Variants in DENND2A observed in about 807,000 individuals in gnomAD.
DENND2A encodes DENN domain containing 2A.
Under a neutral mutation model 105.3 loss-of-function variants are expected in DENND2A, and 53 were observed. That is an observed-to-expected ratio of 0.50 (90% confidence interval 0.40 to 0.63). The LOEUF is 0.63. Among genes scored for constraint, DENND2A ranks in the 30% least tolerant of loss-of-function variants. The pLI, the probability that DENND2A is intolerant of heterozygous loss-of-function variation, is 0.00. For missense variants in DENND2A, 1,138 were observed against 1,279.6 expected, an observed-to-expected ratio of 0.89 and a Z score of 1.69; for synonymous variants, 522 against 508.4, an observed-to-expected ratio of 1.03 and a Z score of -0.36.
At chr7:140,537,463 G>C (rs756918428) in intron 14 of DENND2A, among the ~76,000 whole-genome samples, 6 of 152,042 alleles carry the variant, frequency 3.9e-5, no homozygotes, top group Non-Finnish European at 8.8e-5. Context: ...TTTTTAATTT[G>C]CTTTTTAAAG....
At position 140,559,498 on chromosome 7, in the gene DENND2A, G is replaced by A. The variant is rs939852786; in HGVS notation, c.1889+210C>T. ...GAGGCTTCTGAAACAAGTATCCCCA[G>A]ATTGAGTGGGAAGCCCGGGAGGTCT... On this transcript the variant is annotated intron_variant, in intron 10 of 19. Coordinates refer to ENST00000496613, the MANE Select transcript of DENND2A (RefSeq NM_015689.5). The surrounding 1 kb of genome is among the most constrained non-coding windows in gnomAD (Gnocchi z 4.1). 6.6e-6 allele frequency among the ~76,000 whole-genome samples: 1 copy of A among 152,158 alleles called. No homozygotes were observed. Among genetic ancestry groups the A allele is most frequent in the African/African-American group, 2.4e-5 (1 of 41,430 alleles).
At chr7:140,616,763 T>C (rs1800098326) in intron 1 of DENND2A, among the ~76,000 whole-genome samples, 1 of 152,104 alleles carries the variant, frequency 6.6e-6, no homozygotes, top group African/African-American at 2.4e-5. Flanking sequence ...GTAATAAGAG[T>C]TGCTGGCCTA....
At chr7:140,614,580 C>T (rs1800017098) in intron 1 of DENND2A, among the ~76,000 whole-genome samples, 1 of 152,136 alleles carries the variant, frequency 6.6e-6, no homozygotes, top group African/African-American at 2.4e-5. Flanking sequence ...GCAAATAAGG[C>T]CATGGGCTAT....
Position 140,518,591 on chromosome 7 carries a change from C to T in DENND2A, c.*116G>A, listed in dbSNP as rs879791830. On this transcript the variant is annotated 3_prime_UTR_variant, in exon 20 of 20. Coordinates refer to ENST00000496613, the MANE Select transcript of DENND2A (RefSeq NM_015689.5). ...GCCCAGCCTCGGCCAGAAGCCACCG[C>T]GGCCTCCAGTTCCGCACCGTGACAA... 4.4e-5 allele frequency: 48 copies of T among 1,088,422 alleles called. 1 individual carries two copies. The highest frequency in any genetic ancestry group is 2.5e-4 in the Admixed American group (11 of 43,916). The allele number at this position is 1,088,422 out of a possible 1,614,324, so 67.4% of individuals were successfully genotyped here.
chr7:140,518,589 C>T lies in DENND2A; in HGVS notation c.*118G>A, dbSNP rs181086892. 1,196 of 1,069,056 alleles carry T rather than the reference C, an allele frequency of 1.1e-3. 18 individuals are homozygous for T. In the Admixed American group the frequency reaches 0.024, roughly 22 times the overall value. 66.2% of individuals were successfully genotyped at this position (1,069,056 alleles called of 1,614,324 possible). A position where few individuals can be genotyped will look rare whatever the true frequency, so the allele number is the denominator to read the frequency against. ...GAGCCCAGCCTCGGCCAGAAGCCAC[C>T]GCGGCCTCCAGTTCCGCACCGTGAC... On this transcript the variant is annotated 3_prime_UTR_variant, in exon 20 of 20. Transcript: ENST00000496613.
intron 14 of DENND2A, among the ~76,000 whole-genome samples, chr7:140,533,158 A>AT (rs1265078256): frequency 6.6e-6 from 1 of 151,892 alleles, no homozygotes; most frequent in African/African-American, 2.4e-5. Context: ...TGCCTGGCTA[A>AT]TTTTTTGTAT....
chr7:140,596,445 T>C, intron 3 of DENND2A, among the ~76,000 whole-genome samples: 1 of 152,232 alleles, frequency 6.6e-6, no homozygotes, highest in East Asian at 1.9e-4. Context: ...ACAGCTTGGC[T>C]GGTAAGTTAA....
At chr7:140,543,132 T>C (rs1025130833) in intron 14 of DENND2A, among the ~76,000 whole-genome samples, 34 of 151,414 alleles carry the variant, frequency 2.2e-4, no homozygotes, top group African/African-American at 5.8e-4. Context: ...TTTTTTTTTT[T>C]TTTTTGAGAC....
chr7:140,601,278 C>A, intron 3 of DENND2A, 125 bp downstream of exon 3: 1 of 1,302,750 alleles, frequency 7.7e-7, no homozygotes, highest in Non-Finnish European at 1.0e-6. Context: ...TATGAACCAT[C>A]TGGACTACAA....
intron 1 of DENND2A, among the ~76,000 whole-genome samples, chr7:140,610,672 A>G (rs1017736956): frequency 6.6e-6 from 1 of 152,224 alleles, no homozygotes; most frequent in African/African-American, 2.4e-5. Flanking sequence ...AAAGGTCAAG[A>G]ATTTAAAACA....
chr7:140,520,882 C>CT (rs1563113646), intron 18 of DENND2A, among the ~76,000 whole-genome samples: 1 of 133,680 alleles, frequency 7.5e-6, no homozygotes, highest in East Asian at 2.4e-4. Context: ...TTTTTTTTTT[C>CT]TTTTTTTCTG....
At chr7:140,571,452 G>A (rs55816014) in intron 6 of DENND2A, among the ~76,000 whole-genome samples, 4,060 of 152,262 alleles carry the variant, frequency 0.027, 183 homozygotes, top group African/African-American at 0.092. Context: ...ATGAGCCACC[G>A]TGTTGGCTTG....
chr7:140,569,671 T>C lies in DENND2A; in HGVS notation c.1514A>G (p.Gln505Arg). Residue 505 changes from glutamine (Q) to arginine (R), a missense_variant, in exon 7 of 20, where the codon CAG becomes CGG. Transcript: ENST00000496613. Reference protein sequence around the residue: ...RGKKRVKRLSQSMESNSGKVT... With the variant: ...RGKKRVKRLSRSMESNSGKVT... ...TTTTCCTGAGTTGCTCTCCATTGAC[T>C]GGGACAGCCTCTTCACCCGTTTCTT... is the stretch of plus-strand genomic sequence containing the variant. The C allele has an allele frequency of 6.2e-7, 1 of 1,613,576 alleles. No homozygotes were observed. The highest frequency in any genetic ancestry group is 8.5e-7 in the Non-Finnish European group (1 of 1,179,434).
At chr7:140,549,706 T>C (rs1025183991) in intron 12 of DENND2A, among the ~76,000 whole-genome samples, 4 of 152,126 alleles carry the variant, frequency 2.6e-5, no homozygotes, top group South Asian at 2.1e-4. Context: ...AAAAACTAAA[T>C]AGAATGACCA....
chr7:140,582,436 T>C (rs1323810413), intron 5 of DENND2A, among the ~76,000 whole-genome samples: 1 of 152,154 alleles, frequency 6.6e-6, no homozygotes, highest in East Asian at 1.9e-4. Context: ...GTTGAAGACA[T>C]CCCTATTCCA....
At chr7:140,525,591 C>A (rs1353227386) in intron 16 of DENND2A, among the ~76,000 whole-genome samples, 160 bp downstream of exon 16, 1 of 152,174 alleles carries the variant, frequency 6.6e-6, no homozygotes, top group Non-Finnish European at 1.5e-5. Flanking sequence ...TTGCCCCTTG[C>A]CTTCTGGCTT....
At chr7:140,537,973 T>C (rs1389282991) in intron 14 of DENND2A, among the ~76,000 whole-genome samples, 2 of 152,188 alleles carry the variant, frequency 1.3e-5, no homozygotes, top group African/African-American at 4.8e-5. Flanking sequence ...TATTTATCTG[T>C]TGTCATGACC....
chr7:140,624,368 C>T (rs200127099), intron 1 of DENND2A, among the ~76,000 whole-genome samples: 33 of 49,888 alleles, frequency 6.6e-4, no homozygotes, highest in African/African-American at 3.2e-3. Context: ...AACAACAACA[C>T]AACAACAACA....
chr7:140,626,924 A>C (rs1443420914), intron 1 of DENND2A, among the ~76,000 whole-genome samples: 1 of 152,246 alleles, frequency 6.6e-6, no homozygotes, highest in Non-Finnish European at 1.5e-5. Flanking sequence ...AGACAGACCC[A>C]GGTTTAAATT....
Sources: gnomAD v4.1 joint callset for allele counts (sites outside exome capture counted in the v4.1 genomes callset) on GRCh38, gnomAD v4.1.1 for gene constraint, Gnocchi (gnomAD v3.1) non-coding constraint, MANE v1.5 for transcripts, NCBI Gene and HGNC (gene_info 2026-07-23, HGNC 2026-07-21) for gene names.